MIPOL1: variants seen among roughly 807,000 people sequenced by gnomAD.
The protein encoded by MIPOL1 is mirror-image polydactyly 1.
A neutral mutation model predicts 60.9 loss-of-function variants in MIPOL1; 57 were observed. That is an observed-to-expected ratio of 0.94 (90% CI 0.76 to 1.17). MIPOL1 has a LOEUF of 1.17. Among genes scored for constraint, MIPOL1 ranks in the 50% most tolerant of loss-of-function variants. The probability of loss-of-function intolerance (pLI) is 0.00; values close to 1 mark genes in which losing one functional copy is unlikely to be tolerated. For missense variants in MIPOL1, 551 were observed against 511.6 expected (o/e 1.08, Z -0.74); for synonymous variants, 179 against 168.8 (o/e 1.06, Z -0.47).
intron 11 of MIPOL1, among the ~76,000 whole-genome samples, chr14:37,477,196 G>A (rs777492445): frequency 3.3e-5 from 5 of 151,830 alleles, no homozygotes; most frequent in African/African-American, 9.7e-5. Flanking sequence ...CACTGCACCC[G>A]GCCTCTTAAC....
chr14:37,305,297 A>C (rs1412509811), intron 7 of MIPOL1, among the ~76,000 whole-genome samples: 1 of 151,886 alleles, frequency 6.6e-6, no homozygotes, highest in African/African-American at 2.4e-5. Context: ...TTGGCACTTA[A>C]CAGTGCATTA....
At chr14:37,358,305 G>T (rs1168649869) in intron 9 of MIPOL1, among the ~76,000 whole-genome samples, 1 of 152,120 alleles carries the variant, frequency 6.6e-6, no homozygotes. Flanking sequence ...ACATACCTGT[G>T]CATGTGTCTT....
chr14:37,460,089 A>AAATAAT (rs139000493), intron 11 of MIPOL1, among the ~76,000 whole-genome samples: 7,706 of 148,880 alleles, frequency 0.052, 335 homozygotes, highest in East Asian at 0.27. Context: ...AATAATAGTA[A>AAATAAT]AATAATAATA....
In MIPOL1 at chr14:37,422,343, C is replaced by G. The variant is rs547824879; in HGVS notation, c.937-512C>G. Among the ~76,000 whole-genome samples, 449 of 151,982 alleles carry G rather than the reference C, an allele frequency of 3.0e-3. 3 individuals are homozygous for G. Among genetic ancestry groups the G allele is most frequent in the African/African-American group, 9.2e-3 (383 of 41,506 alleles). On this transcript the variant is annotated intron_variant, in intron 10 of 12. Coordinates refer to ENST00000684589, the MANE Select transcript of MIPOL1 (RefSeq NM_001388067.1). ...AGGAATTGAAAAGGTTAAATCATAA[C>G]TGTAAGAATCAGTCTGTAGCCTGCT...
intron 10 of MIPOL1, among the ~76,000 whole-genome samples, chr14:37,406,452 G>C (rs1181065123): frequency 6.6e-6 from 1 of 152,134 alleles, no homozygotes; most frequent in African/African-American, 2.4e-5. Context: ...GCACTGGCAT[G>C]TAGAGAAATG....
In MIPOL1 at chr14:37,268,641, C is replaced by T. The variant is rs1262388633; in HGVS notation, c.252-17C>T. 10 of 1,553,058 alleles carry T rather than the reference C, an allele frequency of 6.4e-6. No individual in the cohort carries two copies. Among genetic ancestry groups the T allele is most frequent in the Non-Finnish European group, 6.9e-6 (8 of 1,151,422 alleles). ...GTTTATCTTACTCTGAAATGTTAATCAGTTTCTTTATTACAGCGTTATGGA... is the reference window on the plus strand; with the variant it reads ...GTTTATCTTACTCTGAAATGTTAATTAGTTTCTTTATTACAGCGTTATGGA... On this transcript the variant is annotated splice_polypyrimidine_tract_variant and intron_variant, in intron 4 of 12. Transcript: ENST00000684589.
At chr14:37,381,451 A>C (rs1431120749) in intron 10 of MIPOL1, among the ~76,000 whole-genome samples, 1 of 152,110 alleles carries the variant, frequency 6.6e-6, no homozygotes, top group Non-Finnish European at 1.5e-5. Flanking sequence ...ATAGCTTTAA[A>C]GACAATACCT....
chr14:37,244,244 C>T (rs1422960477), intron 1 of MIPOL1, among the ~76,000 whole-genome samples: 1 of 150,472 alleles, frequency 6.6e-6, no homozygotes, highest in Non-Finnish European at 1.5e-5. Flanking sequence ...CTCAGCCTCC[C>T]GAGTAGCTGG....
At chr14:37,382,742 A>G (rs192704246) in intron 10 of MIPOL1, among the ~76,000 whole-genome samples, 2 of 152,068 alleles carry the variant, frequency 1.3e-5, no homozygotes, top group Admixed American at 1.3e-4. Context: ...AAATTTTATC[A>G]TTAATTCAGT....
chr14:37,282,912 A>G (rs908520671), intron 6 of MIPOL1, among the ~76,000 whole-genome samples: 1 of 152,158 alleles, frequency 6.6e-6, no homozygotes, highest in African/African-American at 2.4e-5. Flanking sequence ...AACAATATGT[A>G]ATTTAAAACT....
At chr14:37,253,142 C>T (rs1974373438) in intron 3 of MIPOL1, among the ~76,000 whole-genome samples, 1 of 151,676 alleles carries the variant, frequency 6.6e-6, no homozygotes, top group South Asian at 2.1e-4. Flanking sequence ...GTGGTTTTAG[C>T]TTATTGCCTA....
chr14:37,332,733 C>G (rs888869521), intron 9 of MIPOL1, among the ~76,000 whole-genome samples: 3 of 152,040 alleles, frequency 2.0e-5, no homozygotes, highest in Non-Finnish European at 4.4e-5. Context: ...ACATATCAGG[C>G]AATTCAACTT....
At chr14:37,506,635 A>T (rs1342934426) in intron 12 of MIPOL1, 1 of 152,248 alleles carries the variant, frequency 6.6e-6, no homozygotes, top group African/African-American at 2.4e-5. Flanking sequence ...ACCTAAAACC[A>T]TAAAAACTCT....
chr14:37,540,118 T>G (rs1366120953), intron 12 of MIPOL1, among the ~76,000 whole-genome samples: 1 of 152,210 alleles, frequency 6.6e-6, no homozygotes, highest in Non-Finnish European at 1.5e-5. Context: ...CCTTCTTCCT[T>G]TATAAATTAC....
intron 7 of MIPOL1, among the ~76,000 whole-genome samples, chr14:37,297,118 G>A (rs2153424236): frequency 6.6e-6 from 1 of 152,200 alleles, no homozygotes; most frequent in Middle Eastern, 3.4e-3. Flanking sequence ...TGATCAAGTG[G>A]GCTTCATCCC....
At chr14:37,402,310 A>G (rs1365543798) in intron 10 of MIPOL1, among the ~76,000 whole-genome samples, 1 of 152,202 alleles carries the variant, frequency 6.6e-6, no homozygotes, top group East Asian at 1.9e-4. Flanking sequence ...AAAGGAAAAA[A>G]TTTGCCACCT....
intron 12 of MIPOL1, among the ~76,000 whole-genome samples, chr14:37,539,741 A>G (rs965139200): frequency 1.3e-5 from 2 of 152,224 alleles, no homozygotes; most frequent in African/African-American, 2.4e-5. Context: ...GTGTATGCAG[A>G]TAGGTAGAAG....
intron 9 of MIPOL1, among the ~76,000 whole-genome samples, chr14:37,320,753 G>C (rs1271787536): frequency 6.6e-6 from 1 of 151,964 alleles, no homozygotes; most frequent in East Asian, 1.9e-4. Context: ...TTTAGGTCCT[G>C]ATCAGTTTCA....
At chr14:37,490,638 G>A (rs1040311409) in intron 11 of MIPOL1, among the ~76,000 whole-genome samples, 1 of 152,216 alleles carries the variant, frequency 6.6e-6, no homozygotes, top group East Asian at 1.9e-4. Context: ...GAAAACCTCA[G>A]TATCTGGGCC....
Sources: gnomAD v4.1 joint callset for allele counts (sites outside exome capture counted in the v4.1 genomes callset) on GRCh38, gnomAD v4.1.1 for gene constraint, MANE v1.5 for transcripts, NCBI Gene and HGNC (gene_info 2026-07-23, HGNC 2026-07-21) for gene names.